The following METTL24 variants were observed in gnomAD, a reference collection of about 807,000 sequenced individuals.
METTL24 encodes the protein probable methyltransferase-like protein 24.
METTL24 carries 29 observed loss-of-function variants against 32.7 expected under a neutral mutation model. The observed-to-expected ratio is 0.89, with a 90% CI of 0.66 to 1.21. The LOEUF is 1.21. METTL24 is among the 50% of genes most tolerant of loss of function. The pLI is 0.00. For missense variants in METTL24, 439 were observed against 468.1 expected, an observed-to-expected ratio of 0.94 and a Z score of 0.57; for synonymous variants, 163 against 179.5, an observed-to-expected ratio of 0.91 and a Z score of 0.73.
intron 4 of METTL24, among the ~76,000 whole-genome samples, chr6:110,276,064 T>C (rs1771041729): frequency 6.6e-6 from 1 of 152,122 alleles, no homozygotes; most frequent in Non-Finnish European, 1.5e-5. Context: ...TACACCAACA[T>C]TTCTCCCTTT....
chr6:110,249,478 A>G (rs1227347339), intron 4 of METTL24, among the ~76,000 whole-genome samples: 1 of 151,916 alleles, frequency 6.6e-6, no homozygotes, highest in Non-Finnish European at 1.5e-5. Context: ...CTGAGAGTGC[A>G]GGCAGCCAAA....
chr6:110,270,360 G>C (rs1045098864), intron 4 of METTL24, among the ~76,000 whole-genome samples: 2 of 152,026 alleles, frequency 1.3e-5, no homozygotes, highest in Non-Finnish European at 2.9e-5. Flanking sequence ...AGCTGGTTGT[G>C]GGGGGAGGGG....
chr6:110,311,224 C>A (rs1408083665), intron 3 of METTL24, among the ~76,000 whole-genome samples: 2 of 152,152 alleles, frequency 1.3e-5, no homozygotes, highest in African/African-American at 4.8e-5. Flanking sequence ...GCAAGCAATT[C>A]ACCTGAACAG....
intron 1 of METTL24, among the ~76,000 whole-genome samples, chr6:110,353,883 C>T (rs1772657870): frequency 6.6e-6 from 1 of 151,892 alleles, no homozygotes; most frequent in Non-Finnish European, 1.5e-5. Context: ...CTCTATAAAT[C>T]CCTTCAAAAA....
chr6:110,268,705 G>A (rs1329818677), intron 4 of METTL24, among the ~76,000 whole-genome samples: 2 of 151,900 alleles, frequency 1.3e-5, no homozygotes, highest in Non-Finnish European at 2.9e-5. Context: ...AACTTCATAG[G>A]TTCTGTATGA....
At chr6:110,348,641 T>TAGCAAATCCA in intron 1 of METTL24, among the ~76,000 whole-genome samples, 1 of 152,372 alleles carries the variant, frequency 6.6e-6, no homozygotes, top group East Asian at 1.9e-4. Context: ...TTGCCTCTGA[T>TAGCAAATCCA]TTGGGGACGG....
intron 1 of METTL24, among the ~76,000 whole-genome samples, chr6:110,324,356 C>T (rs974686043): frequency 6.6e-6 from 1 of 152,210 alleles, no homozygotes; most frequent in African/African-American, 2.4e-5. Context: ...TGGTTTCCCG[C>T]AGACTGCCTC....
In METTL24 at chr6:110,357,959, C is replaced by G. The variant is rs770260036; in HGVS notation, c.314G>C (p.Arg105Pro). 5.9e-6 allele frequency: 7 copies of G among 1,193,428 alleles called. No homozygotes were observed. The Admixed American group carries it at 2.1e-4, about 35-fold the overall frequency. 73.9% of individuals were successfully genotyped at this position (1,193,428 alleles called of 1,614,324 possible). The change falls in exon 1 of 5, where the codon CGG becomes CCG. Residue 105 changes from arginine (R) to proline (P), a missense_variant. Arg to Pro is a moderately radical substitution (Grantham distance 103). Transcript: ENST00000338882. ...GCCAPRGRPRRKGPRWHIDLQ... is the reference protein window; with the variant it reads ...GCCAPRGRPRPKGPRWHIDLQ... ...ACCGACCGCTTTGCAACTGACCTTC[C>G]GGCGGGGGCGCCCGCGCGGGGCACA...
chr6:110,255,049 G>A (rs187352484), intron 4 of METTL24, among the ~76,000 whole-genome samples: 57 of 152,232 alleles, frequency 3.7e-4, no homozygotes, highest in African/African-American at 1.3e-3. Flanking sequence ...AAATGTAACG[G>A]TACAAGACTT....
At chr6:110,252,345 G>A (rs973842693) in intron 4 of METTL24, among the ~76,000 whole-genome samples, 1 of 152,178 alleles carries the variant, frequency 6.6e-6, no homozygotes, top group Non-Finnish European at 1.5e-5. Context: ...GCTTGCAGAT[G>A]GCTGCCTTGT....
At chr6:110,302,293 A>G (rs1281189886) in intron 3 of METTL24, among the ~76,000 whole-genome samples, 1 of 151,796 alleles carries the variant, frequency 6.6e-6, no homozygotes, top group Non-Finnish European at 1.5e-5. Flanking sequence ...AAAAGAGAAC[A>G]TTATGTCAAA....
chr6:110,247,901 T>C (rs564286416), intron 4 of METTL24, among the ~76,000 whole-genome samples: 1 of 152,242 alleles, frequency 6.6e-6, no homozygotes, highest in East Asian at 1.9e-4. Flanking sequence ...CCTCCAAATA[T>C]CATTTTGAAA....
At chr6:110,263,618 T>A (rs1770796181) in intron 4 of METTL24, among the ~76,000 whole-genome samples, 1 of 152,160 alleles carries the variant, frequency 6.6e-6, no homozygotes, top group Non-Finnish European at 1.5e-5. Context: ...TGGAAAAAAC[T>A]ACTTTAAAGT....
chr6:110,314,556 T>G (rs755502607), intron 3 of METTL24, among the ~76,000 whole-genome samples: 6 of 152,210 alleles, frequency 3.9e-5, no homozygotes, highest in Non-Finnish European at 8.8e-5. Flanking sequence ...TGAGTTCCCT[T>G]TTATCCTTTT....
At chr6:110,291,069 G>T (rs1771310356) in intron 4 of METTL24, among the ~76,000 whole-genome samples, 1 of 152,188 alleles carries the variant, frequency 6.6e-6, no homozygotes, top group African/African-American at 2.4e-5. Flanking sequence ...CCTCATTTGT[G>T]GTTGTGAGAG....
At chr6:110,254,148 G>A (rs1778337279) in intron 4 of METTL24, 3 of 412,356 alleles carry the variant, frequency 7.3e-6, no homozygotes, top group Admixed American at 4.5e-5. Context: ...CCTTCTGGTG[G>A]CCATATAGAT....
intron 4 of METTL24, among the ~76,000 whole-genome samples, chr6:110,280,471 T>G (rs1324961197): frequency 6.6e-6 from 1 of 152,124 alleles, no homozygotes; most frequent in Non-Finnish European, 1.5e-5. Context: ...TTTCCAGAAT[T>G]TTGCTATTAC....
chr6:110,251,800 A>G (rs9487327), intron 4 of METTL24, among the ~76,000 whole-genome samples: 30,563 of 152,096 alleles, frequency 0.2, 4,188 homozygotes, highest in African/African-American at 0.4. Flanking sequence ...CCATTCATGC[A>G]GGTAGAGCCC....
chr6:110,245,574 GA>G lies in METTL24; in HGVS notation c.*371del, dbSNP rs1778140091. Among the ~76,000 whole-genome samples, 1 of 152,166 alleles carries G rather than the reference GA, an allele frequency of 6.6e-6. No individual in the cohort carries two copies. Among genetic ancestry groups the G allele is most frequent in the Non-Finnish European group, 1.5e-5 (1 of 68,038 alleles). ...TAAAACCCTATTTTAAACAGTAGGG[GA>G]AGAACTTAAAAATCTCACCAACCTA... On this transcript the variant is annotated 3_prime_UTR_variant, in exon 5 of 5. Transcript: ENST00000338882.
Sources: allele counts gnomAD v4.1 joint callset (sites outside exome capture counted in the v4.1 genomes callset), GRCh38; gene constraint gnomAD v4.1.1; transcripts MANE v1.5; gene names NCBI Gene and HGNC (gene_info 2026-07-23, HGNC 2026-07-21).